The following PCDHGA2 variants were observed in gnomAD, a reference collection of about 807,000 sequenced individuals.
The protein encoded by PCDHGA2 is protocadherin gamma subfamily A, 2.
Under a neutral mutation model 59.2 loss-of-function variants are expected in PCDHGA2, and 40 were observed. The observed-to-expected ratio is 0.68, with a 90% CI of 0.52 to 0.88. The LOEUF is 0.88. Ranked by LOEUF, PCDHGA2 falls within the 40% of genes least tolerant of loss-of-function variation. PCDHGA2 has a pLI of 0.00. For missense variants in PCDHGA2, 1,226 were observed against 1,204.0 expected, an observed-to-expected ratio of 1.02 and a Z score of -0.27; for synonymous variants, 560 against 526.0, an observed-to-expected ratio of 1.06 and a Z score of -0.89.
intron 1 of PCDHGA2, chr5:141,376,559 C>A (rs758448085): frequency 2.3e-5 from 37 of 1,609,380 alleles, no homozygotes; most frequent in Admixed American, 6.7e-5. Flanking sequence ...TCCCGCAACC[C>A]AACTAATCAG....
At chr5:141,385,186 T>C in intron 1 of PCDHGA2, 1 of 1,614,218 alleles carries the variant, frequency 6.2e-7, no homozygotes. Context: ...CACCGCGGAC[T>C]CTCGGAAGAG....
At chr5:141,435,024 C>T (rs1263332887) in intron 1 of PCDHGA2, among the ~76,000 whole-genome samples, 3 of 151,970 alleles carry the variant, frequency 2.0e-5, no homozygotes, top group Non-Finnish European at 4.4e-5. Context: ...ATGCTCTTTT[C>T]CCACTTTTAT....
chr5:141,399,999 A>G (rs1589395014), intron 1 of PCDHGA2: 1 of 1,612,302 alleles, frequency 6.2e-7, no homozygotes. Flanking sequence ...AGGTGCGCAC[A>G]GCGCGTGCCT....
chr5:141,409,238 G>A (rs2095245468), intron 1 of PCDHGA2: 1 of 1,614,002 alleles, frequency 6.2e-7, no homozygotes, highest in Non-Finnish European at 8.5e-7. Flanking sequence ...CAACAGCCCA[G>A]AAATAATCAT....
rs1488042504 is a variant in PCDHGA2, at chr5:141,511,552, T to C, written c.*379T>C. ...CCTCCTCCCCACCCCACTCCAACAG[T>C]TCCTCTTTCCCGAGTAAGGTGGTTG... On this transcript the variant is annotated 3_prime_UTR_variant, in exon 4 of 4. Coordinates refer to ENST00000394576, the MANE Select transcript of PCDHGA2 (RefSeq NM_018915.4). 1.3e-5 allele frequency: 4 copies of C among 304,316 alleles called. No individual in the cohort carries two copies. The highest frequency in any genetic ancestry group is 2.6e-5 in the Non-Finnish European group (4 of 156,548). The allele number at this position is 304,316 out of a possible 1,614,324, so 18.9% of individuals were successfully genotyped here.
chr5:141,411,299 G>C (rs1020908131), intron 1 of PCDHGA2: 1 of 152,284 alleles, frequency 6.6e-6, no homozygotes, highest in Non-Finnish European at 1.5e-5. Context: ...GACAGGCCCA[G>C]TGGCTCACAC....
Position 141,340,143 on chromosome 5 carries a change from C to G in PCDHGA2, c.1172C>G (p.Pro391Arg), listed in dbSNP as rs773118511. 6.2e-7 allele frequency: 1 copy of G among 1,614,198 alleles called. No individual in the cohort carries two copies. Among genetic ancestry groups the G allele is most frequent in the Non-Finnish European group, 8.5e-7 (1 of 1,180,032 alleles). The change falls in exon 1 of 4, where the codon CCT becomes CGT. Residue 391 changes from proline (P) to arginine (R), a missense_variant. By Grantham distance (103) the Pro-to-Arg change is moderately radical (BLOSUM62 -2). Transcript: ENST00000394576. ...ACCTGTTCACTCCCCGAGGATCTTC[C>G]TTTTAAGTTAGAAAAGTCAGTAGAC... ...FTTCSLPEDL[P>R]FKLEKSVDNY...
chr5:141,365,818 T>A (rs1440466121), intron 1 of PCDHGA2: 1 of 1,613,894 alleles, frequency 6.2e-7, no homozygotes. Context: ...AAGACACATT[T>A]CAGGGGGCGC....
At chr5:141,387,772 T>G in intron 1 of PCDHGA2, 1 of 1,442,780 alleles carries the variant, frequency 6.9e-7, no homozygotes, top group Non-Finnish European at 9.2e-7. Flanking sequence ...GAATTTTTTC[T>G]TGAACTGGAA....
At chr5:141,506,566 T>C (rs909998933) in intron 3 of PCDHGA2, among the ~76,000 whole-genome samples, 33 of 152,022 alleles carry the variant, frequency 2.2e-4, no homozygotes, top group Non-Finnish European at 2.9e-5. Flanking sequence ...ACCCCCTCGG[T>C]TTCACTTACT....
In PCDHGA2 at chr5:141,431,129, A is replaced by G. The variant is rs771219303; in HGVS notation, c.2425-63678A>G. The G allele has an allele frequency of 7.4e-6, 12 of 1,614,152 alleles. No homozygotes were observed. The Admixed American group carries it at 1.7e-4, about 22-fold the overall frequency. Reference sequence around the variant, plus strand: ...AATATATGGAGTAGAAGTAGAAGTAAGGGACATTAACGACAATGCGCCTTA... The same window carrying G: ...AATATATGGAGTAGAAGTAGAAGTAGGGGACATTAACGACAATGCGCCTTA... On this transcript the variant is annotated intron_variant, in intron 1 of 3. Coordinates refer to ENST00000394576, the MANE Select transcript of PCDHGA2 (RefSeq NM_018915.4). The surrounding 1 kb of genome is among the most constrained non-coding windows in gnomAD (Gnocchi z 4.8).
At chr5:141,429,164 G>A (rs2097189096) in intron 1 of PCDHGA2, 1 of 131,392 alleles carries the variant, frequency 7.6e-6, no homozygotes, top group African/African-American at 3.1e-5. Flanking sequence ...CGGAGACATT[G>A]TTTATACACA....
rs1467261705 is a variant in PCDHGA2, at chr5:141,417,640, C to G, written c.2424+76245C>G. 6.6e-6 allele frequency: 5 copies of G among 761,360 alleles called. No homozygotes were observed. The African/African-American group carries it at 8.8e-5, about 13-fold the overall frequency. 47.2% of individuals were successfully genotyped at this position (761,360 alleles called of 1,614,324 possible). A position where few individuals can be genotyped will look rare whatever the true frequency, so the allele number is the denominator to read the frequency against. On this transcript the variant is annotated intron_variant, in intron 1 of 3. Coordinates refer to ENST00000394576, the MANE Select transcript of PCDHGA2 (RefSeq NM_018915.4). ...AGAGCAAGCGCTGACGCCGGGGATC[C>G]CTCAGCCTCTAGCCTGGGATTCCCT...
intron 1 of PCDHGA2, among the ~76,000 whole-genome samples, chr5:141,468,791 G>A (rs941787269): frequency 2.6e-5 from 4 of 151,954 alleles, no homozygotes; most frequent in East Asian, 3.9e-4. Context: ...GCGTGAACCC[G>A]GGAGGCGGAA....
At chr5:141,389,733 C>A in intron 1 of PCDHGA2, 1 of 1,612,786 alleles carries the variant, frequency 6.2e-7, no homozygotes, top group Non-Finnish European at 8.5e-7. Flanking sequence ...GCTCTTCAGC[C>A]TGGGGCTGCG....
chr5:141,405,446 G>A, intron 1 of PCDHGA2: 1 of 1,338,140 alleles, frequency 7.5e-7, no homozygotes, highest in Non-Finnish European at 1.0e-6. Flanking sequence ...TTGAGACAGA[G>A]TCTTACTCTG....
rs2233613 is a variant in PCDHGA2 at position 141,511,203 on chromosome 5, G to A, written c.*30G>A. 0.14 allele frequency: 222,603 copies of A among 1,611,360 alleles called. 15,640 individuals carry two copies. The highest frequency in any genetic ancestry group is 0.18 in the Admixed American group (10,873 of 59,374). ...GAGGCCAGGCCAAGAGCCACAGGGC[G>A]GCCTCTCCCCAACCAGCCCAGCTTC... On this transcript the variant is annotated 3_prime_UTR_variant, in exon 4 of 4. Transcript: ENST00000394576.
At chr5:141,403,552 G>T (rs1228068556) in intron 1 of PCDHGA2, 5 of 1,613,892 alleles carry the variant, frequency 3.1e-6, no homozygotes, top group Non-Finnish European at 4.2e-6. Context: ...AGCGCGCCCT[G>T]GACAGGGAGG....
intron 1 of PCDHGA2, among the ~76,000 whole-genome samples, chr5:141,480,513 C>T (rs1376669385): frequency 7.9e-6 from 1 of 127,246 alleles, no homozygotes. Context: ...ATGAGAACAA[C>T]CAAAAATGAC....
Sources: gnomAD v4.1 joint callset for allele counts (sites outside exome capture counted in the v4.1 genomes callset) on GRCh38, gnomAD v4.1.1 for gene constraint, Gnocchi (gnomAD v3.1) non-coding constraint, MANE v1.5 for transcripts, NCBI Gene and HGNC (gene_info 2026-07-23, HGNC 2026-07-21) for gene names.